Variants in FHAD1 observed in about 807,000 individuals in gnomAD.
FHAD1 encodes forkhead-associated domain-containing protein 1.
In FHAD1, 146 loss-of-function variants were observed where a neutral mutation model predicts 191.3. The observed-to-expected ratio is 0.76, with a 90% confidence interval of 0.67 to 0.88. The LOEUF is 0.88. Ranked by LOEUF, FHAD1 falls within the 40% of genes least tolerant of loss-of-function variation. The probability of loss-of-function intolerance (pLI) is 0.00; values close to 1 mark genes in which losing one functional copy is unlikely to be tolerated. For missense variants in FHAD1, 1,635 were observed against 1,785.8 expected (o/e 0.92, Z 1.52); for synonymous variants, 616 against 672.3 (o/e 0.92, Z 1.29).
intron 33 of FHAD1, among the ~76,000 whole-genome samples, chr1:15,391,717 G>T (rs1342209334): frequency 6.6e-6 from 1 of 152,206 alleles, no homozygotes; most frequent in Admixed American, 6.5e-5. Flanking sequence ...CAACAAAATT[G>T]TCATTGGAAA....
At chr1:15,253,279 T>C (rs1647018238) in intron 2 of FHAD1, among the ~76,000 whole-genome samples, 1 of 152,058 alleles carries the variant, frequency 6.6e-6, no homozygotes, top group Admixed American at 6.6e-5. Flanking sequence ...AATCAAAAAA[T>C]TGTCTTACCT....
intron 4 of FHAD1, among the ~76,000 whole-genome samples, chr1:15,293,336 C>T (rs1490331332): frequency 6.6e-6 from 1 of 152,216 alleles, no homozygotes; most frequent in Non-Finnish European, 1.5e-5. Flanking sequence ...TTCTCAAATA[C>T]ATGGAATCAT....
chr1:15,250,814 G>C (rs1646679037), intron 1 of FHAD1, among the ~76,000 whole-genome samples: 1 of 151,840 alleles, frequency 6.6e-6, no homozygotes, highest in African/African-American at 2.4e-5. Flanking sequence ...ACTCAGCCTG[G>C]GCAAAGAGCA....
chr1:15,250,805 C>T (rs935502701), intron 1 of FHAD1, among the ~76,000 whole-genome samples: 1 of 151,502 alleles, frequency 6.6e-6, no homozygotes, highest in Non-Finnish European at 1.5e-5. Context: ...TGCCACTGAA[C>T]TCAGCCTGGG....
chr1:15,339,515 T>C lies in FHAD1; in HGVS notation c.1941T>C (p.His647=). 1 of 1,287,736 alleles carries C rather than the reference T, an allele frequency of 7.8e-7. No individual in the cohort carries two copies. Among genetic ancestry groups the C allele is most frequent in the Non-Finnish European group, 1.0e-6 (1 of 978,804 alleles). 79.8% of individuals were successfully genotyped at this position (1,287,736 alleles called of 1,614,324 possible). A position where few individuals can be genotyped will look rare whatever the true frequency, so the allele number is the denominator to read the frequency against. Residue 647 remains histidine (H), a synonymous_variant, in exon 15 of 34, where the codon CAT becomes CAC. Transcript: ENST00000688493. ...TGTATCTGATATATCTTCTGGAACA[T>C]TATAAAAAACTTATGAGCCAGGCCC... is the stretch of plus-strand genomic sequence containing the variant. ...FSLYLIYLLE[H]YKKLMSQAQE...
intron 2 of FHAD1, among the ~76,000 whole-genome samples, chr1:15,265,842 G>A (rs1164815950): frequency 6.6e-6 from 1 of 151,574 alleles, no homozygotes; most frequent in Non-Finnish European, 1.5e-5. Flanking sequence ...GTGGTGGTGT[G>A]CCCCTGTAAT....
intron 3 of FHAD1, among the ~76,000 whole-genome samples, chr1:15,279,017 C>A (rs1199898875): frequency 2.0e-5 from 3 of 152,220 alleles, no homozygotes; most frequent in African/African-American, 7.2e-5. Context: ...CCAGAGGCTG[C>A]TGTAGCTAGA....
At chr1:15,310,251 G>A (rs1040009666) in intron 7 of FHAD1, among the ~76,000 whole-genome samples, 5 of 152,208 alleles carry the variant, frequency 3.3e-5, no homozygotes, top group East Asian at 1.9e-4. Context: ...AGACACAATC[G>A]CTGTCTCCGC....
At chr1:15,349,240 G>A (rs552849345) in intron 19 of FHAD1, 91 bp downstream of exon 19, 452 of 996,636 alleles carry the variant, frequency 4.5e-4, no homozygotes, top group Admixed American at 8.0e-4. Flanking sequence ...AGATATCAGA[G>A]CCATGCCTCC....
At chr1:15,283,674 G>A (rs6674471) in intron 3 of FHAD1, among the ~76,000 whole-genome samples, 38,318 of 152,048 alleles carry the variant, frequency 0.25, 5,225 homozygotes, top group East Asian at 0.54. Context: ...CAGTGAGCCA[G>A]CTACAGCCCT....
intron 31 of FHAD1, among the ~76,000 whole-genome samples, chr1:15,387,586 C>CA (rs1401977453): frequency 6.6e-6 from 1 of 151,798 alleles, no homozygotes; most frequent in Non-Finnish European, 1.5e-5. Context: ...CCCATCTCTA[C>CA]AAAAAACAAA....
At position 15,322,894 on chromosome 1, in the gene FHAD1, T is replaced by C. The variant is rs370497968; in HGVS notation, c.1366-1558T>C. On this transcript the variant is annotated intron_variant, in intron 10 of 33. Transcript: ENST00000688493. ...CCCGAAACTGGGAAGAAAAAGAGGT[T>C]TAATTGGACTTACAGTTCCACATGG... Among the ~76,000 whole-genome samples the C allele has an allele frequency of 6.6e-5, 10 of 152,274 alleles. No homozygotes were observed. The East Asian group carries it at 7.7e-4, about 12-fold the overall frequency.
At chr1:15,358,056 G>A (rs1570151311) in intron 20 of FHAD1, 54 bp from the exon 21 acceptor site, 5 of 1,302,650 alleles carry the variant, frequency 3.8e-6, no homozygotes, top group East Asian at 5.2e-5. Context: ...AAGGGGGCTG[G>A]GTAAATATGT....
In FHAD1 at chr1:15,328,261, T is replaced by TTTTTTTTC; in HGVS notation, c.1558-15_1558-14insTTTTTTCT. Reference sequence around the variant, plus strand: ...TACATCTTTTTTTTTTTTTTCCTTTTTCTTTTTCTCACCAGTTAATAGAGA... The same window carrying TTTTTTTTC: ...TACATCTTTTTTTTTTTTTTCCTTTTTTTTTTTCTCTTTTTCTCACCAGTTAATAGAGA... On this transcript the variant is annotated splice_polypyrimidine_tract_variant and intron_variant, in intron 12 of 33. Transcript: ENST00000688493. 1 of 1,467,276 alleles carries TTTTTTTTC rather than the reference T, an allele frequency of 6.8e-7. No individual in the cohort carries two copies. The highest frequency in any genetic ancestry group is 2.7e-5 in the Admixed American group (1 of 36,868). 90.9% of individuals were successfully genotyped at this position (1,467,276 alleles called of 1,614,324 possible). A position where few individuals can be genotyped will look rare whatever the true frequency, so the allele number is the denominator to read the frequency against.
intron 20 of FHAD1, 198 bp from the exon 21 acceptor site, chr1:15,357,912 C>G: frequency 2.0e-6 from 1 of 489,542 alleles, no homozygotes; most frequent in South Asian, 3.8e-5. Context: ...CACAAGGAGA[C>G]AGATCTCCGC....
chr1:15,377,177 CT>C (rs1699866825), intron 28 of FHAD1, among the ~76,000 whole-genome samples: 1 of 152,230 alleles, frequency 6.6e-6, no homozygotes, highest in African/African-American at 2.4e-5. Context: ...ACCACACAGG[CT>C]TCTAGAAGAA....
rs773642244 is a variant in FHAD1 at position 15,341,729 on chromosome 1, A to G, written c.1978-7A>G. On this transcript the variant is annotated splice_polypyrimidine_tract_variant and splice_region_variant and intron_variant, in intron 15 of 33. Transcript: ENST00000688493. ...ATCAGCATCGGTTTACTTTTCTCAC[A>G]TTTCAGATCAAGTTCAACAGTTCTC... is the stretch of plus-strand genomic sequence containing the variant. 2 of 1,547,216 alleles carry G rather than the reference A, an allele frequency of 1.3e-6. No individual in the cohort carries two copies. The highest frequency in any genetic ancestry group is 1.7e-6 in the Non-Finnish European group (2 of 1,144,758).
rs865938662 is a variant in FHAD1, at chr1:15,251,876, A to G, written c.92A>G (p.Gln31Arg). 5.7e-5 allele frequency: 89 copies of G among 1,551,944 alleles called. 2 individuals are homozygous for G. The Middle Eastern group carries it at 6.8e-3, about 119-fold the overall frequency. ...CATGAAAATTCAGACCTTGTTTTAC[A>G]GGTAAGAAGTCTTCCCACCTGTTCC... ...GRHENSDLVL[Q>R]SPDIDNHHAL... Residue 31 changes from glutamine (Q) to arginine (R), a missense_variant and splice_region_variant, in exon 2 of 34, where the codon CAG (glutamine) becomes CGG (arginine). Physicochemically the swap from Gln to Arg is conservative, Grantham distance 43 (BLOSUM62 1). Transcript: ENST00000688493.
intron 14 of FHAD1, among the ~76,000 whole-genome samples, chr1:15,331,029 G>A (rs772887021): frequency 1.2e-4 from 19 of 152,128 alleles, no homozygotes; most frequent in Non-Finnish European, 2.2e-4. Context: ...AAATCAACAG[G>A]CCTCAGTGGT....
Sources: gnomAD v4.1 joint callset for allele counts (sites outside exome capture counted in the v4.1 genomes callset) on GRCh38, gnomAD v4.1.1 for gene constraint, MANE v1.5 for transcripts, NCBI Gene and HGNC (gene_info 2026-07-23, HGNC 2026-07-21) for gene names.